C1orf167: variants seen among roughly 807,000 people sequenced by gnomAD.
C1orf167 encodes the protein uncharacterized protein C1orf167.
In C1orf167, 153 loss-of-function variants were observed where a neutral mutation model predicts 176.5. The observed-to-expected ratio is 0.87, with a 90% CI of 0.76 to 0.99. C1orf167 has a LOEUF of 0.99. Ranked by LOEUF, C1orf167 falls within the 50% of genes least tolerant of loss-of-function variation. The pLI is 0.00. For synonymous variants in C1orf167, 594 were observed against 752.7 expected, an observed-to-expected ratio of 0.79 and a Z score of 3.45; for missense variants, 1,490 against 1,817.7, an observed-to-expected ratio of 0.82 and a Z score of 3.28.
At chr1:11,763,933 T>C (rs1642654520) in intron 1 of C1orf167, among the ~76,000 whole-genome samples, 1 of 152,080 alleles carries the variant, frequency 6.6e-6, no homozygotes, top group Non-Finnish European at 1.5e-5. Context: ...AGGCCGGAGC[T>C]GCCATCCGTG....
chr1:11,787,588 A>T (rs531284429), intron 17 of C1orf167, 95 bp downstream of exon 17: 1 of 924,778 alleles, frequency 1.1e-6, no homozygotes, highest in East Asian at 6.6e-5. Flanking sequence ...GCTCCTTGGG[A>T]CACGGTCTTA....
At chr1:11,781,181 G>A (rs1039740691) in intron 13 of C1orf167, among the ~76,000 whole-genome samples, 1 of 151,574 alleles carries the variant, frequency 6.6e-6, no homozygotes, top group Non-Finnish European at 1.5e-5. Context: ...TATTTTTAGT[G>A]GAGATGGGGT....
intron 8 of C1orf167, among the ~76,000 whole-genome samples, chr1:11,772,503 G>C (rs1331948469): frequency 6.6e-6 from 1 of 152,342 alleles, no homozygotes. Flanking sequence ...CTGAACTCAA[G>C]TGATCTGCCC....
At chr1:11,787,302 A>G in intron 16 of C1orf167, 86 bp from the exon 17 acceptor site, 1 of 749,320 alleles carries the variant, frequency 1.3e-6, no homozygotes, top group Non-Finnish European at 1.9e-6. Context: ...GTGTCCTGCC[A>G]GCTAGAGCAG....
Position 11,771,640 on chromosome 1 carries a change from A to T in C1orf167, c.1810+4A>T. ...CTGCAGGCCCTGCAACTGGCTGGTG[A>T]GACGTGGGGTGCTGGGAAAGCGGGG... On this transcript the variant is annotated splice_donor_region_variant and intron_variant, in intron 7 of 20. Transcript: ENST00000688073. 7.8e-7 allele frequency: 1 copy of T among 1,289,246 alleles called. No individual in the cohort carries two copies. Among genetic ancestry groups the T allele is most frequent in the Non-Finnish European group, 1.0e-6 (1 of 988,398 alleles). The allele number at this position is 1,289,246 out of a possible 1,614,324, so 79.9% of individuals were successfully genotyped here.
In C1orf167 at chr1:11,766,960, A is replaced by C; in HGVS notation, c.1174A>C (p.Thr392Pro). 1 of 1,207,816 alleles carries C rather than the reference A, an allele frequency of 8.3e-7. No individual in the cohort carries two copies. Among genetic ancestry groups the C allele is most frequent in the Non-Finnish European group, 1.1e-6 (1 of 949,138 alleles). 74.8% of individuals were successfully genotyped at this position (1,207,816 alleles called of 1,614,324 possible). ...TDPCSSAFSN[T>P]AWGVSPKQKG... Reference sequence around the variant, plus strand: ...CCCCTGTTCCTCAGCCTTCTCCAACACAGCCTGGGGAGTCTCACCCAAGCA... The same window carrying C: ...CCCCTGTTCCTCAGCCTTCTCCAACCCAGCCTGGGGAGTCTCACCCAAGCA... Residue 392 changes from threonine to proline, a missense_variant, in exon 3 of 21, where the codon ACA (threonine) becomes CCA (proline). Thr to Pro is a conservative substitution (Grantham distance 38). Transcript: ENST00000688073. The surrounding 1 kb of genome is among the most constrained non-coding windows in gnomAD (Gnocchi z 4.5).
At chr1:11,784,617 G>T (rs1229724803) in intron 15 of C1orf167, 24 bp downstream of exon 15, 2 of 1,212,516 alleles carry the variant, frequency 1.6e-6, no homozygotes, top group Non-Finnish European at 2.1e-6. Context: ...TCTAAGTGCA[G>T]CCCCACTCTG....
chr1:11,776,259 AAG>A (rs1643308025), intron 9 of C1orf167, among the ~76,000 whole-genome samples: 2 of 128,962 alleles, frequency 1.6e-5, no homozygotes, highest in Admixed American at 7.5e-5. Context: ...TTCTGTCTCA[AAG>A]AAACAAAAAA....
In C1orf167 at chr1:11,784,288, G is replaced by A. The variant is rs1643736680; in HGVS notation, c.3120G>A (p.Trp1040Ter). Residue 1040 changes from tryptophan (W) to a stop codon, truncating the protein, a stop_gained, in exon 15 of 21, where the codon TGG (tryptophan) becomes TGA (stop). Coordinates refer to ENST00000688073, the MANE Select transcript of C1orf167 (RefSeq NM_001010881.2). LOFTEE classifies it high-confidence loss of function. ...CACTGGGGGCCGTGTTTGCCACATGGCGGGAAGCCCAGGAAGTGGCAGCCG... is the reference window on the plus strand; with the variant it reads ...CACTGGGGGCCGTGTTTGCCACATGACGGGAAGCCCAGGAAGTGGCAGCCG... ...RRALGAVFAT[W>*]REAQEVAAGA... 3.8e-5 allele frequency: 49 copies of A among 1,303,528 alleles called. No individual in the cohort carries two copies. The highest frequency in any genetic ancestry group is 4.7e-5 in the Non-Finnish European group (46 of 988,648). The allele number at this position is 1,303,528 out of a possible 1,614,324, so 80.7% of individuals were successfully genotyped here.
chr1:11,762,311 G>A lies in C1orf167; in HGVS notation c.-71+6G>A, dbSNP rs932821820. ...CCCGAGGAGGACCCACGCACGTGAG[G>A]GCAGATCCATGAGGGCAGGAAACTG... On this transcript the variant is annotated splice_donor_region_variant and intron_variant, in intron 1 of 20. Transcript: ENST00000688073. 18 of 383,392 alleles carry A rather than the reference G, an allele frequency of 4.7e-5. No individual in the cohort carries two copies. The East Asian group carries it at 9.5e-4, about 20-fold the overall frequency. 23.7% of individuals were successfully genotyped at this position (383,392 alleles called of 1,614,324 possible).
rs1643333567 is a variant in C1orf167 at position 11,776,711 on chromosome 1, C to T, written c.2339+73C>T. ...GGGTGGGCACGTGAGCAGTGCTCAG[C>T]ACCAGGAGGAATGCGGGAGGAATAT... On this transcript the variant is annotated intron_variant, in intron 10 of 20. Coordinates refer to ENST00000688073, the MANE Select transcript of C1orf167 (RefSeq NM_001010881.2). 4.4e-6 allele frequency: 5 copies of T among 1,131,454 alleles called. No homozygotes were observed. In the South Asian group the frequency reaches 8.1e-5, roughly 18 times the overall value. The allele number at this position is 1,131,454 out of a possible 1,614,324, so 70.1% of individuals were successfully genotyped here.
Position 11,774,180 on chromosome 1 carries a change from C to T in C1orf167, c.1989-1255C>T, listed in dbSNP as rs529997670. Among the ~76,000 whole-genome samples the T allele has an allele frequency of 2.6e-5, 4 of 152,192 alleles. No homozygotes were observed. The South Asian group carries it at 6.2e-4, about 24-fold the overall frequency. The stretch of plus-strand genomic sequence containing the variant: ...TTGACCTCCCAAAGTGCTGAGATTA[C>T]AGGTGTGAGCTACCATGCCTGGCGA... On this transcript the variant is annotated intron_variant, in intron 8 of 20. Transcript: ENST00000688073.
chr1:11,788,153 C>G lies in C1orf167; in HGVS notation c.3853C>G (p.Arg1285Gly). 1 of 1,286,306 alleles carries G rather than the reference C, an allele frequency of 7.8e-7. No homozygotes were observed. The highest frequency in any genetic ancestry group is 1.0e-6 in the Non-Finnish European group (1 of 974,890). 79.7% of individuals were successfully genotyped at this position (1,286,306 alleles called of 1,614,324 possible). Residue 1285 changes from arginine (R) to glycine (G), a missense_variant, in exon 19 of 21, where the codon CGT becomes GGT. Transcript: ENST00000688073. Reference protein sequence around the residue: ...SKAHKRRLRARSCRILEKQAQ... With the variant: ...SKAHKRRLRAGSCRILEKQAQ... The stretch of plus-strand genomic sequence containing the variant: ...AGCTGGGCCCTCTCTGGCCAGTGCT[C>G]GTTCCTGCAGGATCCTGGAAAAGCA...
chr1:11,780,739 G>C (rs1248171133), intron 13 of C1orf167, among the ~76,000 whole-genome samples: 1 of 152,204 alleles, frequency 6.6e-6, no homozygotes, highest in Non-Finnish European at 1.5e-5. Flanking sequence ...GGGGCCAGCA[G>C]AGTTAGTCAG....
At chr1:11,767,163 G>A in intron 3 of C1orf167, 58 bp from the exon 4 acceptor site, 1 of 1,286,846 alleles carries the variant, frequency 7.8e-7, no homozygotes, top group Non-Finnish European at 1.0e-6. Flanking sequence ...GGCAGGGGGT[G>A]CCCTGTCCTG....
At chr1:11,769,342 T>C (rs538286927) in intron 6 of C1orf167, among the ~76,000 whole-genome samples, 11 of 152,146 alleles carry the variant, frequency 7.2e-5, no homozygotes, top group Non-Finnish European at 1.3e-4. Context: ...CCCAACACTT[T>C]GGGAGGCCTC....
chr1:11,785,081 G>A (rs1254169606), intron 15 of C1orf167, 67 bp from the exon 16 acceptor site: 22 of 1,173,426 alleles, frequency 1.9e-5, no homozygotes, highest in Non-Finnish European at 3.2e-6. Context: ...GCAGGGCACT[G>A]GGGGGGCTCC....
rs955369935 is a variant in C1orf167, at chr1:11,766,231, C to G, written c.445C>G (p.Pro149Ala). The G allele has an allele frequency of 1.6e-6, 2 of 1,289,694 alleles. No homozygotes were observed. The highest frequency in any genetic ancestry group is 2.0e-6 in the Non-Finnish European group (2 of 988,860). 79.9% of individuals were successfully genotyped at this position (1,289,694 alleles called of 1,614,324 possible). A position where few individuals can be genotyped will look rare whatever the true frequency, so the allele number is the denominator to read the frequency against. ...GGGAAGCTCTGGGCCCCACAAGCTTCCCTGGGGTCCTCTCCTATCCCAAGA... is the reference window on the plus strand; with the variant it reads ...GGGAAGCTCTGGGCCCCACAAGCTTGCCTGGGGTCCTCTCCTATCCCAAGA... Reference protein sequence around the residue: ...PGGSSGPHKLPWGPLLSQEPL... With the variant: ...PGGSSGPHKLAWGPLLSQEPL... Residue 149 changes from proline to alanine, a missense_variant, in exon 3 of 21, where the codon CCC becomes GCC. By Grantham distance (27) the Pro-to-Ala change is conservative. Transcript: ENST00000688073. This position sits in a 1 kb window ranked among gnomAD's most constrained non-coding sequence, Gnocchi z 4.5.
rs959213302 is a variant in C1orf167 at position 11,762,219 on chromosome 1, C to T, written c.-157C>T. 2.2e-6 allele frequency: 1 copy of T among 446,982 alleles called. No individual in the cohort carries two copies. 27.7% of individuals were successfully genotyped at this position (446,982 alleles called of 1,614,324 possible). A position where few individuals can be genotyped will look rare whatever the true frequency, so the allele number is the denominator to read the frequency against. On this transcript the variant is annotated 5_prime_UTR_variant, in exon 1 of 21. Transcript: ENST00000688073. ...ACGTCCCCTCCCGCCCGCGACCTGC[C>T]GACCTGCGGGGATCGTTAGCGGTCC...
Sources: allele counts gnomAD v4.1 joint callset (sites outside exome capture counted in the v4.1 genomes callset), GRCh38; gene constraint gnomAD v4.1.1; non-coding constraint Gnocchi (gnomAD v3.1); transcripts MANE v1.5; gene names NCBI Gene and HGNC (gene_info 2026-07-23, HGNC 2026-07-21).